MCCC1: variants seen among roughly 807,000 people sequenced by gnomAD.
MCCC1 encodes the protein methylcrotonoyl-CoA carboxylase subunit alpha, mitochondrial.
A neutral mutation model predicts 83.8 loss-of-function variants in MCCC1; 64 were observed. The ratio of observed to expected loss-of-function variants is 0.76; its 90% CI spans 0.62 to 0.94. The LOEUF is 0.94. Ranked by LOEUF, MCCC1 falls within the 40% of genes least tolerant of loss-of-function variation. The probability of loss-of-function intolerance (pLI) is 0.00; values close to 1 mark genes in which losing one functional copy is unlikely to be tolerated. For missense variants in MCCC1, 807 were observed against 904.7 expected (o/e 0.89, Z 1.39); for synonymous variants, 322 against 315.4 (o/e 1.02, Z -0.22).
chr3:183,062,907 G>C (rs1372389730), intron 7 of MCCC1, among the ~76,000 whole-genome samples: 1 of 152,128 alleles, frequency 6.6e-6, no homozygotes, highest in Non-Finnish European at 1.5e-5. Context: ...AGTACGGCCA[G>C]AGAGACAGAC....
intron 3 of MCCC1, among the ~76,000 whole-genome samples, chr3:183,088,773 T>G (rs984002752): frequency 1.3e-5 from 2 of 152,264 alleles, no homozygotes; most frequent in African/African-American, 4.8e-5. Context: ...CAACTGCTTT[T>G]TCCATTAACG....
At chr3:183,068,046 A>G (rs1267581147) in intron 7 of MCCC1, among the ~76,000 whole-genome samples, 1 of 152,182 alleles carries the variant, frequency 6.6e-6, no homozygotes, top group East Asian at 1.9e-4. Context: ...CACCCCATTC[A>G]GCCTGAAGAA....
At chr3:183,032,285 C>A (rs1204391530) in intron 14 of MCCC1, among the ~76,000 whole-genome samples, 4 of 152,046 alleles carry the variant, frequency 2.6e-5, no homozygotes, top group African/African-American at 7.2e-5. Flanking sequence ...ATATGTAATT[C>A]TTCTGTTCAA....
intron 1 of MCCC1, among the ~76,000 whole-genome samples, chr3:183,105,082 C>A (rs555760474): frequency 6.6e-6 from 1 of 152,172 alleles, no homozygotes; most frequent in Non-Finnish European, 1.5e-5. Context: ...TGGTGGCTCA[C>A]GCCTGTAATC....
Position 183,090,887 on chromosome 3 carries a change from C to T in MCCC1, c.273+1522G>A, listed in dbSNP as rs568997254. 502 of 427,262 alleles carry T rather than the reference C, an allele frequency of 1.2e-3. 9 individuals are homozygous for T. The highest frequency in any genetic ancestry group is 7.3e-3 in the South Asian group (446 of 60,698). The allele number at this position is 427,262 out of a possible 1,614,324, so 26.5% of individuals were successfully genotyped here. A position where few individuals can be genotyped will look rare whatever the true frequency, so the allele number is the denominator to read the frequency against. On this transcript the variant is annotated intron_variant, in intron 3 of 18. Coordinates refer to ENST00000265594, the MANE Select transcript of MCCC1 (RefSeq NM_020166.5). ...ACAGGTGTGAGCCACTGCGCCCAGCCGGGAAAATTCTTAAAAAGACAAGAA... is the reference window on the plus strand; with the variant it reads ...ACAGGTGTGAGCCACTGCGCCCAGCTGGGAAAATTCTTAAAAAGACAAGAA...
chr3:183,021,701 A>C (rs1435414931), intron 16 of MCCC1, among the ~76,000 whole-genome samples: 1 of 152,102 alleles, frequency 6.6e-6, no homozygotes, highest in Non-Finnish European at 1.5e-5. Flanking sequence ...TCATCATATT[A>C]CTGTAGCGTA....
intron 16 of MCCC1, among the ~76,000 whole-genome samples, chr3:183,021,251 G>A (rs1052460392): frequency 6.6e-6 from 1 of 152,110 alleles, no homozygotes; most frequent in East Asian, 1.9e-4. Context: ...TAGAGGCAGG[G>A]TCTCACTCTG....
intron 11 of MCCC1, among the ~76,000 whole-genome samples, chr3:183,041,340 A>ACTG (rs1714065351): frequency 6.6e-6 from 1 of 152,314 alleles, no homozygotes; most frequent in African/African-American, 2.4e-5. Flanking sequence ...TTGACCAAGT[A>ACTG]CTGCTGAATT....
intron 7 of MCCC1, among the ~76,000 whole-genome samples, chr3:183,059,288 G>A (rs1317155461): frequency 6.6e-6 from 1 of 152,202 alleles, no homozygotes; most frequent in African/African-American, 2.4e-5. Flanking sequence ...CAGCCTGGGT[G>A]ACAGAGTGAA....
At chr3:183,106,709 C>T (rs919277459) in intron 1 of MCCC1, among the ~76,000 whole-genome samples, 2 of 152,102 alleles carry the variant, frequency 1.3e-5, no homozygotes, top group East Asian at 1.9e-4. Flanking sequence ...GTCGGCCAGG[C>T]TGATCTCAAA....
At chr3:183,107,539 T>TA (rs1491244816) in intron 1 of MCCC1, among the ~76,000 whole-genome samples, 2 of 149,500 alleles carry the variant, frequency 1.3e-5, no homozygotes, top group African/African-American at 5.1e-5. Flanking sequence ...TATTATTTGT[T>TA]GTTGTTGTTG....
chr3:183,095,165 C>T (rs1206190276), intron 1 of MCCC1, among the ~76,000 whole-genome samples: 2 of 152,000 alleles, frequency 1.3e-5, no homozygotes, highest in Non-Finnish European at 2.9e-5. Context: ...CACCTGTAGT[C>T]CCAGCTACTC....
At chr3:183,094,048 CTT>C (rs1301777122) in intron 2 of MCCC1, among the ~76,000 whole-genome samples, 15 of 135,610 alleles carry the variant, frequency 1.1e-4, no homozygotes, top group Admixed American at 4.5e-4. Flanking sequence ...TTTATTTTTA[CTT>C]TTTTTTTTTT....
intron 3 of MCCC1, among the ~76,000 whole-genome samples, chr3:183,089,617 A>G (rs990341161): frequency 1.3e-5 from 2 of 152,158 alleles, no homozygotes; most frequent in African/African-American, 4.8e-5. Context: ...CTGGCTCAAA[A>G]AAAAAGGTGA....
intron 7 of MCCC1, among the ~76,000 whole-genome samples, chr3:183,059,747 C>G (rs1292014283): frequency 1.3e-5 from 2 of 152,214 alleles, no homozygotes; most frequent in African/African-American, 4.8e-5. Flanking sequence ...ATTTCTCCTT[C>G]ATACTTGAAG....
chr3:183,034,203 C>T (rs1471440823), intron 13 of MCCC1, 126 bp from the exon 14 acceptor site: 6 of 691,392 alleles, frequency 8.7e-6, no homozygotes, highest in Non-Finnish European at 1.5e-5. Flanking sequence ...GTAATCCCAG[C>T]ACTTTGGGAG....
chr3:183,076,434 T>A (rs1213794535), intron 4 of MCCC1, among the ~76,000 whole-genome samples: 1 of 152,238 alleles, frequency 6.6e-6, no homozygotes, highest in Non-Finnish European at 1.5e-5. Context: ...TCATTTGAAT[T>A]ATTTTCCAGT....
chr3:183,053,815 C>CA (rs565897328), intron 8 of MCCC1, among the ~76,000 whole-genome samples: 12,847 of 110,942 alleles, frequency 0.12, 871 homozygotes, highest in African/African-American at 0.21. Context: ...AAAAAAAAAA[C>CA]AAAAAAAAAC....
intron 10 of MCCC1, 132 bp downstream of exon 10, chr3:183,045,281 C>T: frequency 2.0e-6 from 2 of 1,021,970 alleles, no homozygotes; most frequent in South Asian, 1.4e-5. Flanking sequence ...GGTTTCACCA[C>T]ATTGGCCAGG....
Sources: allele counts gnomAD v4.1 joint callset (sites outside exome capture counted in the v4.1 genomes callset), GRCh38; gene constraint gnomAD v4.1.1; transcripts MANE v1.5; gene names NCBI Gene and HGNC (gene_info 2026-07-23, HGNC 2026-07-21).